Variants in TSPAN19 observed in about 807,000 individuals in gnomAD.
TSPAN19 encodes the protein tetraspanin-19.
TSPAN19 carries 44 observed loss-of-function variants against 35.1 expected under a neutral mutation model. That is an observed-to-expected ratio of 1.25 (90% CI 0.98 to 1.61). The LOEUF is 1.61. TSPAN19 is among the 40% of genes most tolerant of loss of function. The pLI is 0.00. For missense variants in TSPAN19, 290 were observed against 280.0 expected, an observed-to-expected ratio of 1.04 and a Z score of -0.26; for synonymous variants, 79 against 92.0, an observed-to-expected ratio of 0.86 and a Z score of 0.81.
In TSPAN19 at chr12:85,015,949, G is replaced by A. The variant is rs142088830; in HGVS notation, c.617C>T (p.Ala206Val). 2 of 1,545,298 alleles carry A rather than the reference G, an allele frequency of 1.3e-6. No individual in the cohort carries two copies. Among genetic ancestry groups the A allele is most frequent in the South Asian group, 1.2e-5 (1 of 82,324 alleles). ...YLEGCENKIS[A>V]WYNVNVLTLI... ...GGTTAACACATTAACATTATACCAT[G>A]CACTGATTTTATTTTCACAACCCTA... Residue 206 changes from alanine (A) to valine (V), a missense_variant, in exon 8 of 9, where the codon GCA (alanine) becomes GTA (valine). Ala to Val is a moderately conservative substitution (Grantham distance 64, BLOSUM62 0). Transcript: ENST00000532498.
chr12:85,023,730 T>A (rs1877249736), intron 4 of TSPAN19, among the ~76,000 whole-genome samples: 1 of 152,152 alleles, frequency 6.6e-6, no homozygotes, highest in Admixed American at 6.5e-5. Flanking sequence ...TCACATTATT[T>A]TGCTAAAACT....
At chr12:85,015,537 C>CATATATATAT (rs555810518) in intron 8 of TSPAN19, 7 of 135,630 alleles carry the variant, frequency 5.2e-5, no homozygotes, top group African/African-American at 2.3e-4. Flanking sequence ...AATATATGAA[C>CATATATATAT]ATATACACAC....
At position 85,014,435 on chromosome 12, in the gene TSPAN19, G is replaced by T; in HGVS notation, c.*52C>A. The T allele has an allele frequency of 7.7e-7, 1 of 1,302,678 alleles. No individual in the cohort carries two copies. The highest frequency in any genetic ancestry group is 1.1e-6 in the Non-Finnish European group (1 of 922,970). 80.7% of individuals were successfully genotyped at this position (1,302,678 alleles called of 1,614,324 possible). A position where few individuals can be genotyped will look rare whatever the true frequency, so the allele number is the denominator to read the frequency against. On this transcript the variant is annotated 3_prime_UTR_variant, in exon 9 of 9. Coordinates refer to ENST00000532498, the MANE Select transcript of TSPAN19 (RefSeq NM_001100917.2). Reference sequence around the variant, plus strand: ...CGTTTTTGGAATAAAATAATATAATGTGATTTTTTAAGAATTAACTGGTTT... The same window carrying T: ...CGTTTTTGGAATAAAATAATATAATTTGATTTTTTAAGAATTAACTGGTTT...
Position 85,029,708 on chromosome 12 carries a change from T to C in TSPAN19, c.139+11A>G, listed in dbSNP as rs1164333891. 1.3e-6 allele frequency: 2 copies of C among 1,527,314 alleles called. No individual in the cohort carries two copies. Among genetic ancestry groups the C allele is most frequent in the Non-Finnish European group, 8.8e-7 (1 of 1,137,148 alleles). 94.6% of individuals were successfully genotyped at this position (1,527,314 alleles called of 1,614,324 possible). On this transcript the variant is annotated intron_variant, in intron 3 of 8. Coordinates refer to ENST00000532498, the MANE Select transcript of TSPAN19 (RefSeq NM_001100917.2). ...TATTTCACTGAGAGAAAAACAAAAA[T>C]AGATACATACCAAAAGCTGTTAAAA... is the stretch of plus-strand genomic sequence containing the variant.
intron 5 of TSPAN19, among the ~76,000 whole-genome samples, chr12:85,021,764 A>G (rs1462010557): frequency 1.3e-5 from 2 of 152,092 alleles, no homozygotes; most frequent in Non-Finnish European, 2.9e-5. Flanking sequence ...ATTGATGTAA[A>G]CAAAGCTGTT....
intron 1 of TSPAN19, among the ~76,000 whole-genome samples, chr12:85,032,232 G>A (rs939335682): frequency 3.0e-4 from 45 of 152,096 alleles, no homozygotes; most frequent in Admixed American, 1.3e-4. Context: ...AGACTTGAAA[G>A]TCATTCATAG....
chr12:85,035,739 TAAATTAAGTTA>T (rs1877964851), intron 1 of TSPAN19, among the ~76,000 whole-genome samples: 1 of 152,146 alleles, frequency 6.6e-6, no homozygotes, highest in Admixed American at 6.5e-5. Context: ...AAAACTTTAA[TAAATTAAGTTA>T]AAATTAAATA....
rs1223391124 is a variant in TSPAN19, at chr12:85,029,763, C to T, written c.95G>A (p.Gly32Asp). 2.6e-6 allele frequency: 4 copies of T among 1,543,766 alleles called. No homozygotes were observed. Among genetic ancestry groups the T allele is most frequent in the East Asian group, 2.5e-5 (1 of 40,756 alleles). Residue 32 changes from glycine to aspartate, a missense_variant, in exon 3 of 9, where the codon GGT (glycine) becomes GAT (aspartate). Transcript: ENST00000532498. Reference protein sequence around the residue: ...LVLGLLFMGFGAWLLLDRNNF... With the variant: ...LVLGLLFMGFDAWLLLDRNNF... ...ATTTCTATCTAATAAGAGCCATGCA[C>T]CAAATCCCATGAATAAAAGTCCAAG...
chr12:85,032,251 T>C (rs1264236984), intron 1 of TSPAN19, among the ~76,000 whole-genome samples: 1 of 152,038 alleles, frequency 6.6e-6, no homozygotes, highest in Non-Finnish European at 1.5e-5. Flanking sequence ...AGAGAACCAG[T>C]GTCATGGGTG....
In TSPAN19 at chr12:85,029,748, A is replaced by G; in HGVS notation, c.110T>C (p.Leu37Ser). ...LFMGFGAWLL[L>S]DRNNFLTAFD... ...AGCTGTTAAAAAATTATTTCTATCT[A>G]ATAAGAGCCATGCACCAAATCCCAT... Residue 37 changes from leucine to serine, a missense_variant, in exon 3 of 9, where the codon TTA (leucine) becomes TCA (serine). By Grantham distance (145) the Leu-to-Ser change is moderately radical. Transcript: ENST00000532498. 1.3e-6 allele frequency: 2 copies of G among 1,541,978 alleles called. No homozygotes were observed. The highest frequency in any genetic ancestry group is 1.7e-6 in the Non-Finnish European group (2 of 1,144,688).
Position 85,020,661 on chromosome 12 carries a change from C to T in TSPAN19, c.340-925G>A, listed in dbSNP as rs543968868. On this transcript the variant is annotated intron_variant, in intron 5 of 8. Coordinates refer to ENST00000532498, the MANE Select transcript of TSPAN19 (RefSeq NM_001100917.2). ...TTCCCCTGAAGGTATAGCATCAGAT[C>T]CTCATTCCAGAGGGGTCCTGTCCTA... is the stretch of plus-strand genomic sequence containing the variant. Among the ~76,000 whole-genome samples, 16 of 152,054 alleles carry T rather than the reference C, an allele frequency of 1.1e-4. No individual in the cohort carries two copies. The South Asian group carries it at 3.3e-3, about 32-fold the overall frequency.
intron 1 of TSPAN19, among the ~76,000 whole-genome samples, chr12:85,032,606 A>G (rs906232077): frequency 6.6e-6 from 1 of 152,178 alleles, no homozygotes; most frequent in Non-Finnish European, 1.5e-5. Context: ...GATTCAAAGA[A>G]GCCCATGACT....
At chr12:85,034,924 C>T (rs1233229864) in intron 1 of TSPAN19, among the ~76,000 whole-genome samples, 1 of 152,030 alleles carries the variant, frequency 6.6e-6, no homozygotes, top group Admixed American at 6.6e-5. Context: ...AGGAAAGGAA[C>T]TAAGGCATTA....
Position 85,029,626 on chromosome 12 carries a change from A to G in TSPAN19, c.139+93T>C. ...ATGCTGGACACTTAATAAATTACAGAGAAATACTGCCACCTGCTGAATAAA... is the reference window on the plus strand; with the variant it reads ...ATGCTGGACACTTAATAAATTACAGGGAAATACTGCCACCTGCTGAATAAA... On this transcript the variant is annotated intron_variant, in intron 3 of 8. Transcript: ENST00000532498. 5 of 992,926 alleles carry G rather than the reference A, an allele frequency of 5.0e-6. No individual in the cohort carries two copies. In the South Asian group the frequency reaches 7.9e-5, roughly 16 times the overall value. 61.5% of individuals were successfully genotyped at this position (992,926 alleles called of 1,614,324 possible).
chr12:85,028,112 A>G (rs977099912), intron 3 of TSPAN19, 89 bp from the exon 4 acceptor site: 3 of 1,151,458 alleles, frequency 2.6e-6, no homozygotes, highest in Non-Finnish European at 3.5e-6. Flanking sequence ...TAATTGCAGC[A>G]ATCAAAAGTT....
At chr12:85,025,395 C>T (rs1344369317) in intron 4 of TSPAN19, among the ~76,000 whole-genome samples, 1 of 152,138 alleles carries the variant, frequency 6.6e-6, no homozygotes, top group Non-Finnish European at 1.5e-5. Flanking sequence ...CCACCTTGGC[C>T]TCCCAAATGG....
At chr12:85,034,017 A>G (rs1877800617) in intron 1 of TSPAN19, among the ~76,000 whole-genome samples, 1 of 152,104 alleles carries the variant, frequency 6.6e-6, no homozygotes, top group Non-Finnish European at 1.5e-5. Flanking sequence ...AACTGTGGGA[A>G]AGTCATAAAT....
chr12:85,034,128 A>G (rs191576764), intron 1 of TSPAN19, among the ~76,000 whole-genome samples: 1 of 152,262 alleles, frequency 6.6e-6, no homozygotes, highest in East Asian at 1.9e-4. Flanking sequence ...AAGTGGAACA[A>G]GAGAATGAGA....
intron 8 of TSPAN19, chr12:85,014,806 C>T (rs2135788394): frequency 7.0e-6 from 2 of 287,680 alleles, no homozygotes; most frequent in East Asian, 1.3e-4. Context: ...GTTTTAATTA[C>T]ATTAGCTATC....
Sources: allele counts gnomAD v4.1 joint callset (sites outside exome capture counted in the v4.1 genomes callset), GRCh38; gene constraint gnomAD v4.1.1; transcripts MANE v1.5; gene names NCBI Gene and HGNC (gene_info 2026-07-23, HGNC 2026-07-21).